The following ARL6IP6 variants were observed in gnomAD, a reference collection of about 807,000 sequenced individuals.
ARL6IP6 encodes ARF like GTPase 6 interacting protein 6, also known as ADP-ribosylation factor-like protein 6-interacting protein 6.
A neutral mutation model predicts 21.5 loss-of-function variants in ARL6IP6; 22 were observed. That is an observed-to-expected ratio of 1.02 (90% CI 0.73 to 1.46). The LOEUF (loss-of-function observed/expected upper bound fraction) is 1.46, where lower values mean the gene tolerates loss of function less well. Among genes scored for constraint, ARL6IP6 ranks in the 40% most tolerant of loss-of-function variants. The pLI is 0.00. For synonymous variants in ARL6IP6, 164 were observed against 125.3 expected, an observed-to-expected ratio of 1.31 and a Z score of -2.06; for missense variants, 388 against 299.8, an observed-to-expected ratio of 1.29 and a Z score of -2.17.
At chr2:152,725,247 A>G (rs910308928) in intron 2 of ARL6IP6, among the ~76,000 whole-genome samples, 4 of 152,190 alleles carry the variant, frequency 2.6e-5, no homozygotes, top group African/African-American at 9.7e-5. Flanking sequence ...GTGGTCACAT[A>G]TTGTTCTTTC....
chr2:152,722,608 G>A (rs1463423125), intron 2 of ARL6IP6, among the ~76,000 whole-genome samples: 3 of 152,258 alleles, frequency 2.0e-5, no homozygotes, highest in East Asian at 3.9e-4. Context: ...CTCTTAATAA[G>A]ATTGAGGTGA....
intron 2 of ARL6IP6, among the ~76,000 whole-genome samples, chr2:152,733,826 T>A (rs987826702): frequency 6.6e-6 from 1 of 152,212 alleles, no homozygotes; most frequent in African/African-American, 2.4e-5. Flanking sequence ...TTTTATTATC[T>A]TCCTATCCCA....
intron 3 of ARL6IP6, among the ~76,000 whole-genome samples, chr2:152,739,622 C>G (rs1036167589): frequency 6.6e-6 from 1 of 152,200 alleles, no homozygotes; most frequent in Non-Finnish European, 1.5e-5. Context: ...ACCCTCCAAA[C>G]TATTTCAACC....
chr2:152,735,112 A>T lies in ARL6IP6; in HGVS notation c.573A>T (p.Ser191=), dbSNP rs753391024. Residue 191 remains serine, a synonymous_variant, in exon 3 of 4, where the codon TCA becomes TCT. Transcript: ENST00000326446. ...GAATGTTTCCTCCTACTCCTCTTTC[A>T]CCTGCCAGGTTCAAGTAAGTATTCC... ...EPGMFPPTPL[S]PARFKKLTGH... 1 of 1,613,454 alleles carries T rather than the reference A, an allele frequency of 6.2e-7. No individual in the cohort carries two copies.
intron 3 of ARL6IP6, among the ~76,000 whole-genome samples, chr2:152,743,374 T>C (rs898667311): frequency 1.3e-5 from 2 of 152,352 alleles, no homozygotes; most frequent in South Asian, 2.1e-4. Context: ...AAATGTTCAC[T>C]ATTTAGATCA....
intron 3 of ARL6IP6, among the ~76,000 whole-genome samples, chr2:152,758,292 G>A (rs542990534): frequency 2.0e-5 from 3 of 151,992 alleles, no homozygotes; most frequent in Admixed American, 6.6e-5. Context: ...TGTTCTGTAC[G>A]GATGCATTTT....
At position 152,718,714 on chromosome 2, in the gene ARL6IP6, C is replaced by T; in HGVS notation, c.90C>T (p.Ser30=). 1 of 1,609,164 alleles carries T rather than the reference C, an allele frequency of 6.2e-7. No homozygotes were observed. The highest frequency in any genetic ancestry group is 8.5e-7 in the Non-Finnish European group (1 of 1,177,764). The change falls in exon 1 of 4, where the codon TCC becomes TCT. Residue 30 remains serine, a synonymous_variant. Coordinates refer to ENST00000326446, the MANE Select transcript of ARL6IP6 (RefSeq NM_152522.7). ...CTGTGGCTCGGCCATCGTATTCCTC[C>T]TTTACTCAGGGGGACAGCTGGGGTG... The part of the protein sequence containing the change: ...PGPVARPSYS[S]FTQGDSWGEG...
intron 3 of ARL6IP6, among the ~76,000 whole-genome samples, 154 bp from the exon 4 acceptor site, chr2:152,759,593 G>A (rs558477587): frequency 1.3e-5 from 2 of 152,294 alleles, no homozygotes; most frequent in East Asian, 3.9e-4. Flanking sequence ...TATTTATCCT[G>A]CAGATGTCCA....
Position 152,756,949 on chromosome 2 carries a change from C to T in ARL6IP6, c.588-2798C>T, listed in dbSNP as rs1041165380. Among the ~76,000 whole-genome samples, 7 of 152,236 alleles carry T rather than the reference C, an allele frequency of 4.6e-5. 1 individual carries two copies. The South Asian group carries it at 1.0e-3, about 23-fold the overall frequency. The stretch of plus-strand genomic sequence containing the variant: ...AGAAATAAGTGCAGATTCCCACCAC[C>T]CACCGAAGACGTGTTCATAGTACCT... On this transcript the variant is annotated intron_variant, in intron 3 of 3. Transcript: ENST00000326446.
chr2:152,743,561 C>T (rs956804568), intron 3 of ARL6IP6, among the ~76,000 whole-genome samples: 2 of 152,074 alleles, frequency 1.3e-5, no homozygotes, highest in African/African-American at 2.4e-5. Flanking sequence ...AAGTGGCAAG[C>T]GCCCCTAGCA....
chr2:152,747,875 T>G (rs1376051122), intron 3 of ARL6IP6, among the ~76,000 whole-genome samples: 9 of 151,934 alleles, frequency 5.9e-5, no homozygotes, highest in Non-Finnish European at 1.3e-4. Context: ...CTGGCCAAAA[T>G]TTTTTTTGTA....
chr2:152,756,498 T>C, intron 3 of ARL6IP6, among the ~76,000 whole-genome samples: 1 of 152,130 alleles, frequency 6.6e-6, no homozygotes, highest in African/African-American at 2.4e-5. Context: ...AGAACTTCTG[T>C]TCATCAAAAG....
At chr2:152,748,384 T>C (rs963536807) in intron 3 of ARL6IP6, among the ~76,000 whole-genome samples, 2 of 152,224 alleles carry the variant, frequency 1.3e-5, no homozygotes, top group African/African-American at 4.8e-5. Flanking sequence ...TTTTTTTGTT[T>C]TGTTTTGTTT....
Position 152,718,711 on chromosome 2 carries a change from C to A in ARL6IP6, c.87C>A (p.Ser29=). ...TPGPVARPSY[S]SFTQGDSWGE... is the part of the protein sequence containing the mutation. ...GCCCTGTGGCTCGGCCATCGTATTCCTCCTTTACTCAGGGGGACAGCTGGG... is the reference window on the plus strand; with the variant it reads ...GCCCTGTGGCTCGGCCATCGTATTCATCCTTTACTCAGGGGGACAGCTGGG... Residue 29 remains serine, a synonymous_variant, in exon 1 of 4, where the codon TCC becomes TCA. Coordinates refer to ENST00000326446, the MANE Select transcript of ARL6IP6 (RefSeq NM_152522.7). The A allele has an allele frequency of 6.2e-7, 1 of 1,607,764 alleles. No individual in the cohort carries two copies. Among genetic ancestry groups the A allele is most frequent in the Non-Finnish European group, 8.5e-7 (1 of 1,176,896 alleles).
rs540382687 is a variant in ARL6IP6, at chr2:152,731,916, C to T, written c.455-3078C>T. On this transcript the variant is annotated intron_variant, in intron 2 of 3. Transcript: ENST00000326446. The stretch of plus-strand genomic sequence containing the variant: ...GAGCTGTTCTGAACTTTCAGTTTTT[C>T]AGCTCACCAGTATATTTTCAGGATC... Among the ~76,000 whole-genome samples, 7 of 152,128 alleles carry T rather than the reference C, an allele frequency of 4.6e-5. 1 individual carries two copies. The highest frequency in any genetic ancestry group is 1.7e-4 in the African/African-American group (7 of 41,526).
At chr2:152,749,873 A>G (rs559910096) in intron 3 of ARL6IP6, among the ~76,000 whole-genome samples, 2 of 152,366 alleles carry the variant, frequency 1.3e-5, no homozygotes, top group African/African-American at 4.8e-5. Context: ...ATGGAAGTAG[A>G]TCTAAAGAAA....
At chr2:152,743,021 G>C (rs573641925) in intron 3 of ARL6IP6, among the ~76,000 whole-genome samples, 1 of 152,300 alleles carries the variant, frequency 6.6e-6, no homozygotes, top group East Asian at 1.9e-4. Flanking sequence ...AATTGAAACA[G>C]CATCATTTTA....
chr2:152,737,926 A>G (rs1373037735), intron 3 of ARL6IP6, among the ~76,000 whole-genome samples: 1 of 152,134 alleles, frequency 6.6e-6, no homozygotes, highest in Non-Finnish European at 1.5e-5. Context: ...GCATTAACTC[A>G]TAAGTCCACA....
At chr2:152,757,841 G>A (rs1701657882) in intron 3 of ARL6IP6, among the ~76,000 whole-genome samples, 2 of 152,108 alleles carry the variant, frequency 1.3e-5, no homozygotes, top group Non-Finnish European at 2.9e-5. Context: ...GCATTGCTTT[G>A]CCTGCTTAGT....
Sources: allele counts gnomAD v4.1 joint callset (sites outside exome capture counted in the v4.1 genomes callset), GRCh38; gene constraint gnomAD v4.1.1; transcripts MANE v1.5; gene names NCBI Gene and HGNC (gene_info 2026-07-23, HGNC 2026-07-21).